NAGLU: variants seen among roughly 807,000 people sequenced by gnomAD.
NAGLU encodes N-acetyl-alpha-glucosaminidase.
In NAGLU, 34 loss-of-function variants were observed where a neutral mutation model predicts 43.4. That is an observed-to-expected ratio of 0.78 (90% CI 0.60 to 1.04). The LOEUF (loss-of-function observed/expected upper bound fraction) is 1.04. Ranked by LOEUF, NAGLU falls within the 50% of genes least tolerant of loss-of-function variation. The probability of loss-of-function intolerance (pLI) is 0.00; values close to 1 mark genes in which losing one functional copy is unlikely to be tolerated. For synonymous variants in NAGLU, 425 were observed against 437.6 expected (o/e 0.97, Z 0.36); for missense variants, 910 against 993.7 (o/e 0.92, Z 1.13).
At position 42,536,608 on chromosome 17, in the gene NAGLU, G is replaced by T. The variant is rs1479609603; in HGVS notation, c.336G>T (p.Arg112=). ...AWSGSQLRLP[R]PLPAVPGELT... ...CCGGCTCTCAGCTGCGCCTGCCGCGGCCACTGCCAGCCGTGCCGGGGGAGC... is the reference window on the plus strand; with the variant it reads ...CCGGCTCTCAGCTGCGCCTGCCGCGTCCACTGCCAGCCGTGCCGGGGGAGC... Residue 112 remains arginine (R), a synonymous_variant, in exon 1 of 6, where the codon CGG becomes CGT. Coordinates refer to ENST00000225927, the MANE Select transcript of NAGLU (RefSeq NM_000263.4). 2.0e-6 allele frequency: 3 copies of T among 1,490,700 alleles called. No homozygotes were observed. Among genetic ancestry groups the T allele is most frequent in the Non-Finnish European group, 2.7e-6 (3 of 1,128,424 alleles). The allele number at this position is 1,490,700 out of a possible 1,614,324, so 92.3% of individuals were successfully genotyped here. A position where few individuals can be genotyped will look rare whatever the true frequency, so the allele number is the denominator to read the frequency against.
chr17:42,536,786 G>T, intron 1 of NAGLU, 131 bp downstream of exon 1: 1 of 1,336,102 alleles, frequency 7.5e-7, no homozygotes. Context: ...CAGCAGCTGT[G>T]TGGCCTTGAG....
At chr17:42,542,934 G>A (rs912107346) in intron 5 of NAGLU, 94 bp from the exon 6 acceptor site, 1 of 1,569,498 alleles carries the variant, frequency 6.4e-7, no homozygotes, top group Non-Finnish European at 8.7e-7. Context: ...GCCATGACCT[G>A]GGATAGACAG....
rs574688121 is a variant in NAGLU at position 42,543,235 on chromosome 17, T to A, written c.1229T>A (p.Phe410Tyr). The A allele has an allele frequency of 3.7e-6, 6 of 1,614,082 alleles. No homozygotes were observed. Among genetic ancestry groups the A allele is most frequent in the Non-Finnish European group, 5.1e-6 (6 of 1,180,052 alleles). The change falls in exon 6 of 6, where the codon TTT becomes TAT. Residue 410 changes from phenylalanine to tyrosine, a missense_variant. Physicochemically the swap from Phe to Tyr is conservative, Grantham distance 22 (BLOSUM62 3). Transcript: ENST00000225927. ...TTCATCTGGTGCATGCTGCACAACT[T>A]TGGGGGAAACCATGGTCTTTTTGGA... is the stretch of plus-strand genomic sequence containing the variant. ...QPFIWCMLHN[F>Y]GGNHGLFGAL... is the part of the protein sequence containing the mutation.
chr17:42,536,261 A>G lies in NAGLU; in HGVS notation c.-12A>G. The G allele has an allele frequency of 8.2e-7, 1 of 1,217,350 alleles. No homozygotes were observed. The highest frequency in any genetic ancestry group is 1.0e-6 in the Non-Finnish European group (1 of 978,464). 75.4% of individuals were successfully genotyped at this position (1,217,350 alleles called of 1,614,324 possible). ...ACCCCCTGGCCGTCGCGGGACCCGC[A>G]GGACTGAGACCATGGAGGCGGTGGC... is the stretch of plus-strand genomic sequence containing the variant. On this transcript the variant is annotated 5_prime_UTR_variant, in exon 1 of 6. Transcript: ENST00000225927.
At chr17:42,542,788 C>A (rs1478488243) in intron 5 of NAGLU, among the ~76,000 whole-genome samples, 1 of 152,250 alleles carries the variant, frequency 6.6e-6, no homozygotes, top group Non-Finnish European at 1.5e-5. Flanking sequence ...GCCACCACGC[C>A]CATTCAGAAA....
chr17:42,538,471 C>T lies in NAGLU; in HGVS notation c.664C>T (p.Gln222Ter), dbSNP rs748295614. The stretch of plus-strand genomic sequence containing the variant: ...CCTGCCCCCCTCCTGGCACATCAAG[C>T]AGCTTTACCTGCAGGTAAAAGGATG... ...GPLPPSWHIK[Q>*]LYLQHRVLDQ... is the part of the protein sequence containing the mutation. Residue 222 changes from glutamine (Q) to a stop codon, truncating the protein, a stop_gained, in exon 3 of 6, where the codon CAG becomes TAG. Coordinates refer to ENST00000225927, the MANE Select transcript of NAGLU (RefSeq NM_000263.4). LOFTEE classifies it high-confidence loss of function. The T allele has an allele frequency of 6.2e-7, 1 of 1,614,076 alleles. No individual in the cohort carries two copies. Among genetic ancestry groups the T allele is most frequent in the South Asian group, 1.1e-5 (1 of 91,092 alleles).
In NAGLU at chr17:42,538,424, A is replaced by G. The variant is rs1291552393; in HGVS notation, c.617A>G (p.Asn206Ser). 1.9e-6 allele frequency: 3 copies of G among 1,614,080 alleles called. No individual in the cohort carries two copies. Among genetic ancestry groups the G allele is most frequent in the African/African-American group, 1.3e-5 (1 of 74,952 alleles). Residue 206 changes from asparagine (N) to serine (S), a missense_variant, in exon 3 of 6, where the codon AAC becomes AGC. Coordinates refer to ENST00000225927, the MANE Select transcript of NAGLU (RefSeq NM_000263.4). ...PAFLAWGRMGNLHTWDGPLPP... is the reference protein window; with the variant it reads ...PAFLAWGRMGSLHTWDGPLPP... Reference sequence around the variant, plus strand: ...TTCCTGGCCTGGGGGCGAATGGGCAACCTGCACACCTGGGATGGCCCCCTG... The same window carrying G: ...TTCCTGGCCTGGGGGCGAATGGGCAGCCTGCACACCTGGGATGGCCCCCTG...
intron 4 of NAGLU, among the ~76,000 whole-genome samples, chr17:42,539,486 C>T (rs1435337753): frequency 6.6e-6 from 1 of 152,236 alleles, no homozygotes; most frequent in African/African-American, 2.4e-5. Context: ...GCATGACCTC[C>T]TTTGCACCTG....
chr17:42,542,958 G>C (rs932759904), intron 5 of NAGLU, 70 bp from the exon 6 acceptor site: 1 of 1,591,172 alleles, frequency 6.3e-7, no homozygotes, highest in South Asian at 1.1e-5. Flanking sequence ...TCTGTAGAGT[G>C]GGGTGAACAT....
In NAGLU at chr17:42,543,108, G is replaced by A; in HGVS notation, c.1102G>A (p.Ala368Thr). 6.2e-7 allele frequency: 1 copy of A among 1,612,888 alleles called. No homozygotes were observed. Among genetic ancestry groups the A allele is most frequent in the Non-Finnish European group, 8.5e-7 (1 of 1,180,030 alleles). The change falls in exon 6 of 6, where the codon GCT becomes ACT. Residue 368 changes from alanine (A) to threonine (T), a missense_variant. Coordinates refer to ENST00000225927, the MANE Select transcript of NAGLU (RefSeq NM_000263.4). ...PQFWGPAQIR[A>T]VLGAVPRGRL... ...GTTCTGGGGGCCCGCCCAGATCAGG[G>A]CTGTGCTGGGAGCTGTGCCCCGTGG...
rs550223694 is a variant in NAGLU at position 42,536,704 on chromosome 17, C to T, written c.383+49C>T. ...GTCCGCCCGAGGCGCTTACCCCCTC[C>T]CGGAGCCGCTGCCACCCAAATCGGG... On this transcript the variant is annotated intron_variant, in intron 1 of 5. Transcript: ENST00000225927. The T allele has an allele frequency of 2.9e-3, 4,019 of 1,382,548 alleles. 13 individuals carry two copies. The highest frequency in any genetic ancestry group is 5.4e-3 in the Admixed American group (169 of 31,562). The allele number at this position is 1,382,548 out of a possible 1,614,324, so 85.6% of individuals were successfully genotyped here.
rs758785463 is a variant in NAGLU, at chr17:42,536,615, C to T, written c.343C>T (p.Pro115Ser). Residue 115 changes from proline to serine, a missense_variant, in exon 1 of 6, where the codon CCA (proline) becomes TCA (serine). Physicochemically the swap from Pro to Ser is moderately conservative, Grantham distance 74. Transcript: ENST00000225927. The stretch of plus-strand genomic sequence containing the variant: ...TCAGCTGCGCCTGCCGCGGCCACTG[C>T]CAGCCGTGCCGGGGGAGCTGACCGA... ...GSQLRLPRPLPAVPGELTEAT... is the reference protein window; with the variant it reads ...GSQLRLPRPLSAVPGELTEAT... The T allele has an allele frequency of 8.7e-6, 13 of 1,494,420 alleles. No homozygotes were observed. The highest frequency in any genetic ancestry group is 1.2e-5 in the Non-Finnish European group (13 of 1,130,184). 92.6% of individuals were successfully genotyped at this position (1,494,420 alleles called of 1,614,324 possible).
chr17:42,542,698 T>G (rs2092924449), intron 5 of NAGLU, among the ~76,000 whole-genome samples: 1 of 152,240 alleles, frequency 6.6e-6, no homozygotes, highest in Non-Finnish European at 1.5e-5. Context: ...TTCCCCACAT[T>G]GGCCAGGCTG....
Position 42,536,241 on chromosome 17 carries a change from C to T in NAGLU, c.-32C>T, listed in dbSNP as rs1252437007. 1.8e-5 allele frequency: 22 copies of T among 1,213,162 alleles called. No individual in the cohort carries two copies. The highest frequency in any genetic ancestry group is 3.3e-5 in the East Asian group (1 of 30,358). 75.1% of individuals were successfully genotyped at this position (1,213,162 alleles called of 1,614,324 possible). ...GATTGGACGCGGGCCGCCCCACCCCCTGGCCGTCGCGGGACCCGCAGGACT... is the reference window on the plus strand; with the variant it reads ...GATTGGACGCGGGCCGCCCCACCCCTTGGCCGTCGCGGGACCCGCAGGACT... On this transcript the variant is annotated 5_prime_UTR_variant, in exon 1 of 6. Transcript: ENST00000225927.
chr17:42,543,620 G>C lies in NAGLU; in HGVS notation c.1614G>C (p.Glu538Asp). The change falls in exon 6 of 6, where the codon GAG becomes GAC. Residue 538 changes from glutamate to aspartate, a missense_variant. Coordinates refer to ENST00000225927, the MANE Select transcript of NAGLU (RefSeq NM_000263.4). ...GGTACAACCGATCTGATGTGTTTGA[G>C]GCCTGGCGGCTGCTGCTCACATCTG... ...SIWYNRSDVF[E>D]AWRLLLTSAP... 1 of 1,613,186 alleles carries C rather than the reference G, an allele frequency of 6.2e-7. No homozygotes were observed. Among genetic ancestry groups the C allele is most frequent in the Non-Finnish European group, 8.5e-7 (1 of 1,180,036 alleles).
chr17:42,543,662 C>G lies in NAGLU; in HGVS notation c.1656C>G (p.Thr552=). Residue 552 remains threonine, a synonymous_variant, in exon 6 of 6, where the codon ACC becomes ACG. Coordinates refer to ENST00000225927, the MANE Select transcript of NAGLU (RefSeq NM_000263.4). ...TCACATCTGCTCCCTCCCTGGCCAC[C>G]AGCCCCGCCTTCCGCTACGACCTGC... ...LLLTSAPSLA[T]SPAFRYDLLD... is the part of the protein sequence containing the mutation. 6.2e-7 allele frequency: 1 copy of G among 1,613,194 alleles called. No individual in the cohort carries two copies. The highest frequency in any genetic ancestry group is 1.3e-5 in the African/African-American group (1 of 75,072).
At chr17:42,540,919 A>G (rs201356680) in intron 4 of NAGLU, 31 bp from the exon 5 acceptor site, 15 of 1,614,060 alleles carry the variant, frequency 9.3e-6, no homozygotes, top group Non-Finnish European at 1.2e-5. Context: ...GGCGGCTTCC[A>G]TGAAATATCT....
rs1277005664 is a variant in NAGLU, at chr17:42,538,948, C to G, written c.764+193C>G. Among the ~76,000 whole-genome samples, 4 of 152,246 alleles carry G rather than the reference C, an allele frequency of 2.6e-5. No homozygotes were observed. The South Asian group carries it at 8.3e-4, about 32-fold the overall frequency. ...ACCAGCCTGGCCAACATGGTGAAAC[C>G]CTGTCTCTACTAAAAATATAAAAAT... On this transcript the variant is annotated intron_variant, in intron 4 of 5. Transcript: ENST00000225927.
At chr17:42,537,252 C>T (rs1222376532) in intron 1 of NAGLU, 146 bp from the exon 2 acceptor site, 9 of 1,230,128 alleles carry the variant, frequency 7.3e-6, no homozygotes, top group Non-Finnish European at 4.7e-6. Context: ...CTGGTCTCAG[C>T]TCCACCTGGG....
Sources: allele counts gnomAD v4.1 joint callset (sites outside exome capture counted in the v4.1 genomes callset), GRCh38; gene constraint gnomAD v4.1.1; transcripts MANE v1.5; gene names NCBI Gene and HGNC (gene_info 2026-07-23, HGNC 2026-07-21).